The following ERICH2 variants were observed in gnomAD, a reference collection of about 807,000 sequenced individuals.
ERICH2 encodes glutamate-rich protein 2.
A neutral mutation model predicts 17.4 loss-of-function variants in ERICH2; 17 were observed. That is an observed-to-expected ratio of 0.98 (90% CI 0.67 to 1.47). ERICH2 has a LOEUF of 1.47. ERICH2 is among the 40% of genes most tolerant of loss of function. The pLI is 0.00. For synonymous variants in ERICH2, 51 were observed against 61.1 expected, an observed-to-expected ratio of 0.83 and a Z score of 0.77; for missense variants, 186 against 183.2, an observed-to-expected ratio of 1.01 and a Z score of -0.09.
the ERICH2 span, among the ~76,000 whole-genome samples, chr2:170,770,919 C>T: frequency 6.7e-6 from 1 of 148,616 alleles, no homozygotes; most frequent in Non-Finnish European, 1.5e-5. Context: ...CCTCCACCGC[C>T]CTACGGCCTG....
the ERICH2 span, among the ~76,000 whole-genome samples, chr2:170,778,370 G>A: frequency 6.6e-6 from 1 of 152,030 alleles, no homozygotes. Context: ...AAATTAGTAG[G>A]TACTATTCTG....
At chr2:170,782,806 A>G (rs1701060346), upstream of ERICH2, among the ~76,000 whole-genome samples, 1 of 152,264 alleles carries the variant, frequency 6.6e-6, no homozygotes, top group Admixed American at 6.5e-5. Flanking sequence ...CAGGCCAGCT[A>G]TAGTGGCTCA....
chr2:170,777,335 CTA>C, the ERICH2 span: 1 of 828,582 alleles, frequency 1.2e-6, no homozygotes, highest in Non-Finnish European at 1.5e-6. Context: ...ATATCTCAAA[CTA>C]AAATAATAAT....
Position 170,798,741 on chromosome 2 carries a change from T to C in ERICH2, c.347-29T>C, listed in dbSNP as rs1475790278. On this transcript the variant is annotated intron_variant, in intron 4 of 4. Transcript: ENST00000409885. ...TCAGAGTGAAATATTAAGAAACACC[T>C]TAAGCAATCCTCTTCCTTTCTGTGG... The C allele has an allele frequency of 7.1e-6, 11 of 1,549,900 alleles. No homozygotes were observed. The South Asian group carries it at 9.5e-5, about 13-fold the overall frequency.
chr2:170,798,830 G>A (rs1701493049), exon 5 of ERICH2: 2 of 1,550,698 alleles, frequency 1.3e-6, no homozygotes, highest in Non-Finnish European at 1.7e-6. Context: ...AGTGGTGAGA[G>A]TAAAGGAGAA....
chr2:170,797,962 C>G, intron 3 of ERICH2, 79 bp from the exon 9 acceptor site: 2 of 937,290 alleles, frequency 2.1e-6, no homozygotes, highest in South Asian at 2.9e-5. Flanking sequence ...ACTGACAGTT[C>G]AATTTCATTC....
upstream of ERICH2, chr2:170,783,689 C>A: frequency 2.6e-6 from 3 of 1,163,234 alleles, no homozygotes; most frequent in Non-Finnish European, 3.7e-6. Flanking sequence ...TTCTCTCATG[C>A]TGCTAACTGT....
In ERICH2 at chr2:170,798,873, C is replaced by A. The variant is rs577886713; in HGVS notation, c.450C>A (p.Asp150Glu). 4 of 1,550,526 alleles carry A rather than the reference C, an allele frequency of 2.6e-6. No individual in the cohort carries two copies. The Admixed American group carries it at 7.8e-5, about 30-fold the overall frequency. The stretch of plus-strand genomic sequence containing the variant: ...AGGAGCTGAGTGACGAGAGCTCTGA[C>A]GAAGGTGAAGATGGATCATGAGTGT... Residue 150 changes from aspartate to glutamate, a missense_variant, in exon 5 of 5, where the codon GAC becomes GAA. By Grantham distance (45) the Asp-to-Glu change is conservative. Coordinates refer to ENST00000409885, the Ensembl canonical transcript of ERICH2.
chr2:170,774,430 G>A, the ERICH2 span, among the ~76,000 whole-genome samples: 4 of 152,066 alleles, frequency 2.6e-5, no homozygotes, highest in African/African-American at 9.7e-5. Context: ...TCCACCAAAG[G>A]TGGCACCATG....
chr2:170,777,329 C>A, the ERICH2 span: 1 of 766,644 alleles, frequency 1.3e-6, no homozygotes, highest in African/African-American at 1.9e-5. Context: ...TTTCAAATAT[C>A]TCAAACTAAA....
chr2:170,785,912 A>G (rs1701149377), intron 2 of ERICH2, among the ~76,000 whole-genome samples: 1 of 152,154 alleles, frequency 6.6e-6, no homozygotes, highest in Non-Finnish European at 1.5e-5. Context: ...TTTAATTATT[A>G]TTATACAACC....
At chr2:170,783,965 T>C in intron 1 of ERICH2, 1 of 1,491,612 alleles carries the variant, frequency 6.7e-7, no homozygotes, top group African/African-American at 1.4e-5. Context: ...GGAGTTTGTT[T>C]TAGAGTCATT....
the ERICH2 span, among the ~76,000 whole-genome samples, chr2:170,772,018 A>C: frequency 6.6e-6 from 1 of 152,134 alleles, no homozygotes; most frequent in Non-Finnish European, 1.5e-5. Context: ...AATCCAACTT[A>C]TTTTTTAATT....
intron 2 of ERICH2, among the ~76,000 whole-genome samples, chr2:170,790,392 C>T (rs1240567107): frequency 6.6e-6 from 1 of 151,900 alleles, no homozygotes; most frequent in Non-Finnish European, 1.5e-5. Context: ...TTTGGGAGGC[C>T]AAGGCAGGCG....
At chr2:170,783,065 T>C (rs1452329829), upstream of ERICH2, 3 of 152,000 alleles carry the variant, frequency 2.0e-5, no homozygotes, top group East Asian at 5.8e-4. Context: ...GTCCCTGCAC[T>C]GGGTGGGTGA....
chr2:170,796,833 A>G (rs904646817), intron 3 of ERICH2, among the ~76,000 whole-genome samples: 1 of 152,170 alleles, frequency 6.6e-6, no homozygotes, highest in African/African-American at 2.4e-5. Flanking sequence ...GAGTCACAAT[A>G]TTAAACGGAT....
At chr2:170,792,259 C>T (rs1281344091) in intron 2 of ERICH2, among the ~76,000 whole-genome samples, 2 of 151,842 alleles carry the variant, frequency 1.3e-5, no homozygotes, top group Admixed American at 1.3e-4. Context: ...AAAGAATATA[C>T]ATGAAGATGT....
chr2:170,784,970 A>T, intron 2 of ERICH2, 137 bp downstream of exon 7: 1 of 676,880 alleles, frequency 1.5e-6, no homozygotes, highest in Non-Finnish European at 2.2e-6. Context: ...TGGTTACCAG[A>T]AGCTGGACGG....
chr2:170,780,841 G>C (rs1228278221), upstream of ERICH2, among the ~76,000 whole-genome samples: 2 of 152,180 alleles, frequency 1.3e-5, no homozygotes, highest in East Asian at 3.8e-4. Flanking sequence ...TCAGCTATGA[G>C]AGCATATAAA....
Sources: allele counts gnomAD v4.1 joint callset (sites outside exome capture counted in the v4.1 genomes callset), GRCh38; gene constraint gnomAD v4.1.1; transcripts MANE v1.5; gene names NCBI Gene and HGNC (gene_info 2026-07-23, HGNC 2026-07-21).